GRIK4: variants seen among roughly 807,000 people sequenced by gnomAD.
The protein encoded by GRIK4 is glutamate receptor ionotropic, kainate 4.
A neutral mutation model predicts 104.9 loss-of-function variants in GRIK4; 40 were observed. The ratio of observed to expected loss-of-function variants is 0.38; its 90% confidence interval spans 0.30 to 0.50. GRIK4 has a LOEUF of 0.50. Among genes scored for constraint, GRIK4 ranks in the 20% least tolerant of loss-of-function variants. The pLI is 0.93. For synonymous variants in GRIK4, 485 were observed against 524.9 expected, an observed-to-expected ratio of 0.92 and a Z score of 1.04; for missense variants, 1,047 against 1,308.1, an observed-to-expected ratio of 0.80 and a Z score of 3.08.
chr11:120,895,274 T>C (rs1294449462), intron 11 of GRIK4, among the ~76,000 whole-genome samples: 5 of 152,066 alleles, frequency 3.3e-5, no homozygotes, highest in Admixed American at 1.3e-4. Context: ...ACTGGCTCTG[T>C]TGGTATGAGG....
intron 3 of GRIK4, among the ~76,000 whole-genome samples, chr11:120,778,037 C>T (rs115791680): frequency 0.035 from 5,329 of 152,126 alleles, 137 homozygotes; most frequent in Middle Eastern, 0.065. Flanking sequence ...AAGGCCTTGC[C>T]GCTCAGGTGA....
intron 15 of GRIK4, among the ~76,000 whole-genome samples, chr11:120,955,484 A>G (rs1209035565): frequency 1.3e-5 from 2 of 152,226 alleles, no homozygotes; most frequent in African/African-American, 2.4e-5. Flanking sequence ...GGGGGTGCAC[A>G]CCTGTGCATA....
At chr11:120,712,638 AAACTTCT>A in intron 3 of GRIK4, among the ~76,000 whole-genome samples, 1 of 152,006 alleles carries the variant, frequency 6.6e-6, no homozygotes, top group Middle Eastern at 3.2e-3. Context: ...AAAAAAAAAA[AAACTTCT>A]ACTTAAATTC....
chr11:120,778,486 G>A (rs979578209), intron 3 of GRIK4, among the ~76,000 whole-genome samples: 2 of 152,242 alleles, frequency 1.3e-5, no homozygotes, highest in African/African-American at 4.8e-5. Context: ...TTATTAGGCT[G>A]CATTTGGCAA....
intron 8 of GRIK4, among the ~76,000 whole-genome samples, chr11:120,841,424 A>G (rs1028713152): frequency 1.3e-5 from 2 of 152,210 alleles, no homozygotes; most frequent in African/African-American, 2.4e-5. Context: ...GGGTTCATTC[A>G]TATGTCAGAA....
At chr11:120,805,832 AG>A in intron 4 of GRIK4, among the ~76,000 whole-genome samples, 1 of 152,148 alleles carries the variant, frequency 6.6e-6, no homozygotes, top group Non-Finnish European at 1.5e-5. Context: ...TATTTGGGGA[AG>A]GAAGGGAGGA....
chr11:120,948,868 C>T (rs573804150), intron 14 of GRIK4, among the ~76,000 whole-genome samples: 24 of 152,256 alleles, frequency 1.6e-4, no homozygotes, highest in African/African-American at 3.4e-4. Context: ...AACAACCCCA[C>T]GAGGTAGGTT....
chr11:120,974,187 C>T (rs572208469), intron 19 of GRIK4, among the ~76,000 whole-genome samples: 3 of 152,334 alleles, frequency 2.0e-5, no homozygotes, highest in African/African-American at 7.2e-5. Context: ...GGATTACAGG[C>T]GTGAGCCACC....
At chr11:120,834,750 C>T (rs964793141) in intron 7 of GRIK4, among the ~76,000 whole-genome samples, 2 of 152,210 alleles carry the variant, frequency 1.3e-5, no homozygotes, top group African/African-American at 2.4e-5. Context: ...TTTTATTGAG[C>T]GGCTGTTCCA....
At chr11:120,870,526 A>G (rs1031628160) in intron 9 of GRIK4, 3 of 152,004 alleles carry the variant, frequency 2.0e-5, no homozygotes, top group African/African-American at 7.3e-5. Flanking sequence ...GTCCTGGGAG[A>G]TGAGGCATAA....
chr11:120,621,673 T>C (rs1949191282), intron 1 of GRIK4, among the ~76,000 whole-genome samples: 1 of 152,168 alleles, frequency 6.6e-6, no homozygotes, highest in South Asian at 2.1e-4. Flanking sequence ...CTCAAGCATG[T>C]ACTAACTATG....
chr11:120,622,153 G>A (rs906610007), intron 1 of GRIK4, among the ~76,000 whole-genome samples: 6 of 152,060 alleles, frequency 3.9e-5, no homozygotes, highest in Non-Finnish European at 8.8e-5. Context: ...CACCCACCTC[G>A]GCCTCCCAAA....
intron 3 of GRIK4, among the ~76,000 whole-genome samples, chr11:120,688,716 A>T (rs893229181): frequency 3.3e-5 from 5 of 152,204 alleles, no homozygotes; most frequent in African/African-American, 1.2e-4. Flanking sequence ...AATTAATCAC[A>T]TTTTAATGGG....
chr11:120,716,450 G>T (rs1387863799), intron 3 of GRIK4, among the ~76,000 whole-genome samples: 1 of 152,080 alleles, frequency 6.6e-6, no homozygotes, highest in Non-Finnish European at 1.5e-5. Context: ...CACCATATTG[G>T]CCAGGCTGGT....
chr11:120,824,291 T>C (rs1444944892), intron 6 of GRIK4, among the ~76,000 whole-genome samples: 1 of 152,296 alleles, frequency 6.6e-6, no homozygotes, highest in East Asian at 1.9e-4. Flanking sequence ...GGAGGAGATG[T>C]GATGAGCAGC....
chr11:120,786,928 G>T (rs565995774), intron 3 of GRIK4, among the ~76,000 whole-genome samples: 232 of 152,286 alleles, frequency 1.5e-3, no homozygotes, highest in African/African-American at 5.5e-3. Context: ...GTGGAGATGT[G>T]CTTTAAATAT....
intron 3 of GRIK4, among the ~76,000 whole-genome samples, chr11:120,767,267 G>T (rs564683540): frequency 1.3e-5 from 2 of 152,104 alleles, no homozygotes; most frequent in African/African-American, 4.8e-5. Context: ...AAGTGAAATC[G>T]TGGTTTTAAT....
At chr11:120,663,805 C>G (rs1202798708) in intron 3 of GRIK4, among the ~76,000 whole-genome samples, 4 of 152,196 alleles carry the variant, frequency 2.6e-5, no homozygotes, top group Non-Finnish European at 5.9e-5. Flanking sequence ...TTCTACTCCT[C>G]TTCTTTTTCT....
chr11:120,770,602 T>A (rs1951923096), intron 3 of GRIK4, among the ~76,000 whole-genome samples: 1 of 152,240 alleles, frequency 6.6e-6, no homozygotes, highest in African/African-American at 2.4e-5. Context: ...TTTAAGTATT[T>A]TGTGCCTAAT....
Sources: gnomAD v4.1 joint callset for allele counts (sites outside exome capture counted in the v4.1 genomes callset) on GRCh38, gnomAD v4.1.1 for gene constraint, MANE v1.5 for transcripts, NCBI Gene and HGNC (gene_info 2026-07-23, HGNC 2026-07-21) for gene names.